Variants in GRIN2D observed in about 807,000 individuals in gnomAD.
GRIN2D encodes glutamate ionotropic receptor NMDA type subunit 2D.
In GRIN2D, 37 loss-of-function variants were observed where a neutral mutation model predicts 103.2. The ratio of observed to expected loss-of-function variants is 0.36; its 90% CI spans 0.28 to 0.47. The LOEUF is 0.47. GRIN2D is among the 20% of genes least tolerant of loss of function. GRIN2D has a pLI of 1.00. For synonymous variants in GRIN2D, 845 were observed against 885.6 expected, an observed-to-expected ratio of 0.95 and a Z score of 0.81; for missense variants, 1,557 against 1,910.6, an observed-to-expected ratio of 0.81 and a Z score of 3.45.
chr19:48,396,547 G>A (rs1970643945), intron 2 of GRIN2D, among the ~76,000 whole-genome samples: 1 of 151,960 alleles, frequency 6.6e-6, no homozygotes. Flanking sequence ...GGGTTATTTT[G>A]GGGCGGAGTG....
intron 9 of GRIN2D, 91 bp downstream of exon 9, chr19:48,419,450 G>C (rs1600981983): frequency 6.8e-7 from 1 of 1,469,280 alleles, no homozygotes; most frequent in Non-Finnish European, 9.2e-7. Flanking sequence ...GAGGGGGGGC[G>C]GTCAAGCTAG....
intron 7 of GRIN2D, among the ~76,000 whole-genome samples, chr19:48,415,442 T>C (rs1000564029): frequency 2.8e-5 from 4 of 144,714 alleles, no homozygotes; most frequent in African/African-American, 7.8e-5. Context: ...AAACACCTGA[T>C]TGGGGCCTGG....
intron 3 of GRIN2D, among the ~76,000 whole-genome samples, chr19:48,402,223 G>T (rs552265096): frequency 6.6e-6 from 1 of 152,124 alleles, no homozygotes; most frequent in Non-Finnish European, 1.5e-5. Context: ...GGCAAGAAAG[G>T]GTGACAATGA....
intron 11 of GRIN2D, among the ~76,000 whole-genome samples, chr19:48,435,789 T>C (rs921468310): frequency 6.6e-6 from 1 of 152,232 alleles, no homozygotes. Context: ...TGCTAGGCAC[T>C]GTTCTAGACC....
Position 48,414,268 on chromosome 19 carries a change from G to C in GRIN2D, c.1201-105G>C, listed in dbSNP as rs1970914279. On this transcript the variant is annotated intron_variant, in intron 5 of 13. Transcript: ENST00000263269. This position sits in a 1 kb window ranked among gnomAD's most constrained non-coding sequence, Gnocchi z 4.6. ...TGGGAGGGGCTCCTGGGTCTTGGAA[G>C]AAGCTGCTGCCCACACACCTAGGTC... 9 of 1,044,474 alleles carry C rather than the reference G, an allele frequency of 8.6e-6. No individual in the cohort carries two copies. The East Asian group carries it at 2.3e-4, about 27-fold the overall frequency. The allele number at this position is 1,044,474 out of a possible 1,614,324, so 64.7% of individuals were successfully genotyped here. A position where few individuals can be genotyped will look rare whatever the true frequency, so the allele number is the denominator to read the frequency against.
In GRIN2D at chr19:48,442,087, C is replaced by A; in HGVS notation, c.2441-63C>A. 1.3e-6 allele frequency: 2 copies of A among 1,516,886 alleles called. No individual in the cohort carries two copies. The highest frequency in any genetic ancestry group is 1.8e-6 in the Non-Finnish European group (2 of 1,097,610). 94.0% of individuals were successfully genotyped at this position (1,516,886 alleles called of 1,614,324 possible). ...AAGGGGCTAAGGGCCTACATTCCCACATCACAGACAAGGGTCCTCAGAGGG... is the reference window on the plus strand; with the variant it reads ...AAGGGGCTAAGGGCCTACATTCCCAAATCACAGACAAGGGTCCTCAGAGGG... On this transcript the variant is annotated intron_variant, in intron 12 of 13. Transcript: ENST00000263269. This position sits in a 1 kb window ranked among gnomAD's most constrained non-coding sequence, Gnocchi z 7.2.
At chr19:48,437,853 C>A (rs1045634067) in intron 11 of GRIN2D, among the ~76,000 whole-genome samples, 26 of 152,266 alleles carry the variant, frequency 1.7e-4, no homozygotes, top group Admixed American at 1.7e-3. Context: ...ATTTTTCTCG[C>A]CTATACTTAT....
intron 8 of GRIN2D, among the ~76,000 whole-genome samples, 182 bp from the exon 9 acceptor site, chr19:48,419,052 C>CTT (rs56737271): frequency 1.6e-4 from 23 of 143,326 alleles, no homozygotes; most frequent in African/African-American, 4.6e-4. Context: ...TTTTTTCTTC[C>CTT]TTTTTTTTTT....
chr19:48,432,743 G>A (rs1232723234), intron 11 of GRIN2D, among the ~76,000 whole-genome samples: 1 of 151,522 alleles, frequency 6.6e-6, no homozygotes, highest in Non-Finnish European at 1.5e-5. Flanking sequence ...ACAGGTGTGA[G>A]GCACCATGCC....
At chr19:48,426,971 T>G (rs1971094367) in intron 11 of GRIN2D, among the ~76,000 whole-genome samples, 1 of 152,106 alleles carries the variant, frequency 6.6e-6, no homozygotes, top group Non-Finnish European at 1.5e-5. Flanking sequence ...TTCCCATAGG[T>G]GGAACTACCC....
chr19:48,418,239 GC>G (rs1424966559), intron 8 of GRIN2D, among the ~76,000 whole-genome samples: 1 of 151,920 alleles, frequency 6.6e-6, no homozygotes, highest in Admixed American at 6.6e-5. Flanking sequence ...CACCATGTTG[GC>G]CAGGCTGGTC....
intron 11 of GRIN2D, among the ~76,000 whole-genome samples, chr19:48,439,905 T>C (rs1401313576): frequency 3.3e-5 from 5 of 152,084 alleles, no homozygotes; most frequent in East Asian, 3.9e-4. Flanking sequence ...ATCGCACCAT[T>C]GCACTCCAGC....
intron 7 of GRIN2D, 38 bp downstream of exon 7, chr19:48,415,070 G>T (rs1168162774): frequency 6.5e-7 from 1 of 1,530,378 alleles, no homozygotes; most frequent in Admixed American, 1.9e-5. Context: ...TCTTCGGGGC[G>T]GAGTCGAGAG....
chr19:48,434,095 C>A (rs1340966673), intron 11 of GRIN2D, among the ~76,000 whole-genome samples: 1 of 151,752 alleles, frequency 6.6e-6, no homozygotes, highest in African/African-American at 2.4e-5. Flanking sequence ...ACTACAGGCG[C>A]CCGCCACCTC....
At chr19:48,431,909 T>C (rs964009511) in intron 11 of GRIN2D, among the ~76,000 whole-genome samples, 1 of 143,108 alleles carries the variant, frequency 7.0e-6, no homozygotes, top group Admixed American at 6.9e-5. Context: ...TTCTTTTATC[T>C]TTTCTTTATT....
At chr19:48,436,388 T>C (rs1400855483) in intron 11 of GRIN2D, among the ~76,000 whole-genome samples, 3 of 152,102 alleles carry the variant, frequency 2.0e-5, no homozygotes, top group African/African-American at 7.2e-5. Flanking sequence ...AGCTGATCCA[T>C]AGAGTGTAGG....
chr19:48,410,944 G>T (rs1239136506), intron 4 of GRIN2D, among the ~76,000 whole-genome samples: 1 of 152,118 alleles, frequency 6.6e-6, no homozygotes, highest in African/African-American at 2.4e-5. Context: ...GGGTGATGTT[G>T]CATAGTGAAG....
chr19:48,438,730 G>A (rs539553436), intron 11 of GRIN2D, among the ~76,000 whole-genome samples: 5 of 151,982 alleles, frequency 3.3e-5, no homozygotes, highest in African/African-American at 9.6e-5. Flanking sequence ...CACTGCGCCC[G>A]GCCAATATGA....
At chr19:48,413,661 CAAAAAAAAAAAA>C (rs11368422) in intron 4 of GRIN2D, among the ~76,000 whole-genome samples, 1 of 57,302 alleles carries the variant, frequency 1.7e-5, no homozygotes, top group Non-Finnish European at 3.3e-5. Context: ...GACTCTGTCT[CAAAAAAAAAAAA>C]AAAAAAAAAG....
Sources: gnomAD v4.1 joint callset for allele counts (sites outside exome capture counted in the v4.1 genomes callset) on GRCh38, gnomAD v4.1.1 for gene constraint, Gnocchi (gnomAD v3.1) non-coding constraint, MANE v1.5 for transcripts, NCBI Gene and HGNC (gene_info 2026-07-23, HGNC 2026-07-21) for gene names.